The following RHBDL3 variants were observed in gnomAD, a reference collection of about 807,000 sequenced individuals.
The protein encoded by RHBDL3 is rhomboid-related protein 3.
A neutral mutation model predicts 48.2 loss-of-function variants in RHBDL3; 28 were observed. The ratio of observed to expected loss-of-function variants is 0.58; its 90% CI spans 0.43 to 0.80. The LOEUF is 0.80. RHBDL3 is among the 30% of genes least tolerant of loss of function. The pLI is 0.00. For synonymous variants in RHBDL3, 208 were observed against 232.3 expected (o/e 0.90, Z 0.95); for missense variants, 464 against 542.7 (o/e 0.85, Z 1.44).
At chr17:32,315,790 T>G (rs1371079318) in intron 7 of RHBDL3, among the ~76,000 whole-genome samples, 2 of 151,860 alleles carry the variant, frequency 1.3e-5, no homozygotes, top group African/African-American at 4.8e-5. Flanking sequence ...ACTTGACCCC[T>G]CAGTCCCCTC....
chr17:32,290,500 C>T (rs1419772495), intron 4 of RHBDL3, among the ~76,000 whole-genome samples: 1 of 152,094 alleles, frequency 6.6e-6, no homozygotes, highest in African/African-American at 2.4e-5. Flanking sequence ...GATCTCGAAG[C>T]CCTGGGGCTA....
intron 7 of RHBDL3, among the ~76,000 whole-genome samples, chr17:32,311,602 C>T (rs368742232): frequency 1.3e-5 from 2 of 152,112 alleles, no homozygotes; most frequent in Non-Finnish European, 2.9e-5. Context: ...CTAAAGTGTG[C>T]GGCAGAGGGA....
At chr17:32,297,376 C>T (rs71377432) in intron 5 of RHBDL3, among the ~76,000 whole-genome samples, 2 of 152,076 alleles carry the variant, frequency 1.3e-5, no homozygotes, top group African/African-American at 2.4e-5. Flanking sequence ...ACAGGAGAAT[C>T]GCTTGAACCC....
intron 2 of RHBDL3, among the ~76,000 whole-genome samples, chr17:32,273,868 T>C (rs1259579360): frequency 1.3e-5 from 2 of 152,182 alleles, no homozygotes; most frequent in Non-Finnish European, 2.9e-5. Context: ...CCGAAGTAGC[T>C]GGGATTACAG....
At chr17:32,267,433 G>C (rs574472191) in intron 1 of RHBDL3, among the ~76,000 whole-genome samples, 10 of 145,906 alleles carry the variant, frequency 6.9e-5, no homozygotes, top group Admixed American at 3.4e-4. Flanking sequence ...GTTCTCCTGG[G>C]GGGGGAGGGG....
Position 32,284,793 on chromosome 17 carries a change from C to A in RHBDL3, c.270C>A (p.Ile90=), listed in dbSNP as rs748210770. ...ALADSHADGQ[I]GYQDFVSLMS... is the part of the protein sequence containing the mutation. ...CCGACAGCCACGCGGATGGGCAGAT[C>A]GGCTACCAGGATTTTGTCAGCCTAG... is the stretch of plus-strand genomic sequence containing the variant. The change falls in exon 3 of 9, where the codon ATC becomes ATA. Residue 90 remains isoleucine, a synonymous_variant. Coordinates refer to ENST00000269051, the MANE Select transcript of RHBDL3 (RefSeq NM_138328.3). 3.1e-6 allele frequency: 5 copies of A among 1,613,840 alleles called. No homozygotes were observed. The African/African-American group carries it at 5.3e-5, about 17-fold the overall frequency.
intron 3 of RHBDL3, among the ~76,000 whole-genome samples, chr17:32,285,769 G>C (rs79515298): frequency 6.6e-6 from 1 of 152,188 alleles, no homozygotes; most frequent in African/African-American, 2.4e-5. Flanking sequence ...GGGAGCGAGA[G>C]TGAAATGACT....
rs761239117 is a variant in RHBDL3 at position 32,284,769 on chromosome 17, C to T, written c.246C>T (p.Ala82=). The T allele has an allele frequency of 1.2e-5, 20 of 1,614,052 alleles. No individual in the cohort carries two copies. Among genetic ancestry groups the T allele is most frequent in the Middle Eastern group, 3.3e-4 (2 of 6,058 alleles). The change falls in exon 3 of 9, where the codon GCC becomes GCT. Residue 82 remains alanine (A), a synonymous_variant. Coordinates refer to ENST00000269051, the MANE Select transcript of RHBDL3 (RefSeq NM_138328.3). ...PHKREVLLAL[A]DSHADGQIGY... Reference sequence around the variant, plus strand: ...AAAGGGAGGTCCTCCTGGCTCTTGCCGACAGCCACGCGGATGGGCAGATCG... The same window carrying T: ...AAAGGGAGGTCCTCCTGGCTCTTGCTGACAGCCACGCGGATGGGCAGATCG...
At chr17:32,266,631 G>T (rs888578689) in intron 1 of RHBDL3, among the ~76,000 whole-genome samples, 3 of 152,208 alleles carry the variant, frequency 2.0e-5, no homozygotes, top group African/African-American at 7.2e-5. Flanking sequence ...GCGTCACGGC[G>T]GTGACTCCCC....
chr17:32,267,232 C>A (rs552702427), intron 1 of RHBDL3, among the ~76,000 whole-genome samples: 1 of 152,240 alleles, frequency 6.6e-6, no homozygotes, highest in Admixed American at 6.5e-5. Context: ...GCGGTTAAAT[C>A]TATCACTTCC....
At chr17:32,268,488 C>T (rs1320320953) in intron 2 of RHBDL3, among the ~76,000 whole-genome samples, 1 of 152,134 alleles carries the variant, frequency 6.6e-6, no homozygotes, top group Admixed American at 6.5e-5. Context: ...AGGTGTAGGG[C>T]ATGGAGTTGG....
chr17:32,320,651 C>T (rs912283100), intron 8 of RHBDL3, among the ~76,000 whole-genome samples: 4 of 152,204 alleles, frequency 2.6e-5, no homozygotes, highest in Non-Finnish European at 5.9e-5. Flanking sequence ...AGAGGTCTTG[C>T]GTGACTCCCC....
chr17:32,286,195 C>CT (rs2040195563), intron 3 of RHBDL3, among the ~76,000 whole-genome samples: 1 of 152,194 alleles, frequency 6.6e-6, no homozygotes, highest in Non-Finnish European at 1.5e-5. Flanking sequence ...GCCCCAGCAC[C>CT]TGTGTGTTTG....
rs2039615840 is a variant in RHBDL3, at chr17:32,265,868, G to C, written c.-322G>C. 6.8e-6 allele frequency among the ~76,000 whole-genome samples: 1 copy of C among 147,370 alleles called. No individual in the cohort carries two copies. The highest frequency in any genetic ancestry group is 1.5e-5 in the Non-Finnish European group (1 of 66,100). ...GCCGCGAGAAGCGGGAAGGGAGCGC[G>C]GGGAGCGGCGGGGCCGGGGCCGGCC... On this transcript the variant is annotated 5_prime_UTR_variant, in exon 1 of 9. Coordinates refer to ENST00000269051, the MANE Select transcript of RHBDL3 (RefSeq NM_138328.3).
intron 6 of RHBDL3, 126 bp downstream of exon 6, chr17:32,298,330 C>T (rs1444246061): frequency 3.3e-6 from 2 of 599,196 alleles, no homozygotes; most frequent in African/African-American, 3.7e-5. Flanking sequence ...AGGCTCCTGA[C>T]TTAACCAGGC....
Position 32,284,662 on chromosome 17 carries a change from G to A in RHBDL3, c.139G>A (p.Asp47Asn), listed in dbSNP as rs1468288632. 3 of 1,613,940 alleles carry A rather than the reference G, an allele frequency of 1.9e-6. No individual in the cohort carries two copies. In the Admixed American group the frequency reaches 5.0e-5, roughly 27 times the overall value. ...CTGCTGTCTGCTTTTCCCTCAGTTT[G>A]ACCCTGGGAACACAGGCTACATTAG... ...DHWKVLFDQF[D>N]PGNTGYISTG... Residue 47 changes from aspartate to asparagine, a missense_variant, in exon 3 of 9, where the codon GAC (aspartate) becomes AAC (asparagine). Physicochemically the swap from Asp to Asn is conservative, Grantham distance 23. Transcript: ENST00000269051.
intron 4 of RHBDL3, among the ~76,000 whole-genome samples, chr17:32,289,860 G>A (rs2150717015): frequency 6.6e-6 from 1 of 152,316 alleles, no homozygotes; most frequent in East Asian, 1.9e-4. Flanking sequence ...ATATGTTCTT[G>A]TAAAGTTCCT....
intron 7 of RHBDL3, 41 bp downstream of exon 7, chr17:32,305,482 C>A: frequency 1.5e-6 from 2 of 1,368,850 alleles, no homozygotes; most frequent in Non-Finnish European, 2.1e-6. Flanking sequence ...CTGGCCCTGT[C>A]CTCTGCCATC....
intron 3 of RHBDL3, among the ~76,000 whole-genome samples, chr17:32,287,075 C>T (rs533040535): frequency 3.3e-5 from 5 of 152,306 alleles, no homozygotes; most frequent in African/African-American, 9.6e-5. Context: ...ATACGGGGTG[C>T]CAAATAACTA....
Sources: allele counts gnomAD v4.1 joint callset (sites outside exome capture counted in the v4.1 genomes callset), GRCh38; gene constraint gnomAD v4.1.1; transcripts MANE v1.5; gene names NCBI Gene and HGNC (gene_info 2026-07-23, HGNC 2026-07-21).